The following TENM2 variants were observed in gnomAD, a reference collection of about 807,000 sequenced individuals.
TENM2 encodes teneurin transmembrane protein 2.
Under a neutral mutation model 245.2 loss-of-function variants are expected in TENM2, and 52 were observed. That is an observed-to-expected ratio of 0.21 (90% CI 0.17 to 0.27). The LOEUF (loss-of-function observed/expected upper bound fraction) is 0.27. Ranked by LOEUF, TENM2 falls within the 10% of genes least tolerant of loss-of-function variation. The pLI, the probability that TENM2 is intolerant of heterozygous loss-of-function variation, is 1.00. For synonymous variants in TENM2, 1,363 were observed against 1,438.9 expected, an observed-to-expected ratio of 0.95 and a Z score of 1.19; for missense variants, 3,046 against 3,666.8, an observed-to-expected ratio of 0.83 and a Z score of 4.37.
At chr5:168,257,603 G>A (rs766379405) in intron 27 of TENM2, among the ~76,000 whole-genome samples, 6 of 150,322 alleles carry the variant, frequency 4.0e-5, no homozygotes, top group African/African-American at 1.5e-4. Context: ...GGAATGTCAT[G>A]GGCAGCTCCT....
chr5:168,220,246 C>G (rs1180217522), intron 23 of TENM2, among the ~76,000 whole-genome samples: 1 of 152,126 alleles, frequency 6.6e-6, no homozygotes, highest in Non-Finnish European at 1.5e-5. Context: ...CTGACAGTTT[C>G]AACCAAAGAC....
At chr5:167,768,436 T>C (rs977439827) in intron 2 of TENM2, among the ~76,000 whole-genome samples, 1 of 152,238 alleles carries the variant, frequency 6.6e-6, no homozygotes, top group East Asian at 1.9e-4. Context: ...ACGTTTGTTA[T>C]GTGCAAACAC....
At chr5:168,178,137 C>T (rs192139330) in intron 13 of TENM2, among the ~76,000 whole-genome samples, 11 of 152,186 alleles carry the variant, frequency 7.2e-5, no homozygotes, top group Admixed American at 6.5e-4. Flanking sequence ...TCCCCTCAGG[C>T]GGAAAGTAAC....
chr5:168,107,850 C>T (rs1794377285), intron 9 of TENM2, among the ~76,000 whole-genome samples: 1 of 152,252 alleles, frequency 6.6e-6, no homozygotes, highest in Non-Finnish European at 1.5e-5. Context: ...CACCACCTCC[C>T]TGAAGCACCC....
chr5:167,115,945 G>C, the TENM2 span, among the ~76,000 whole-genome samples: 2 of 152,282 alleles, frequency 1.3e-5, no homozygotes, highest in African/African-American at 4.8e-5. Context: ...TCAGCTCGGA[G>C]ATTGGAATAA....
At chr5:168,159,914 ATC>A in intron 12 of TENM2, among the ~76,000 whole-genome samples, 1 of 152,232 alleles carries the variant, frequency 6.6e-6, no homozygotes, top group Admixed American at 6.5e-5. Context: ...TTGAGTGCGT[ATC>A]TCTGACTGAC....
the TENM2 span, among the ~76,000 whole-genome samples, chr5:167,207,048 A>G: frequency 6.6e-6 from 1 of 152,024 alleles, no homozygotes; most frequent in African/African-American, 2.4e-5. Context: ...TAAAAAAAAA[A>G]CCCAAGGAAA....
chr5:167,689,777 T>G (rs1346039884), intron 2 of TENM2, among the ~76,000 whole-genome samples: 2 of 152,160 alleles, frequency 1.3e-5, no homozygotes, highest in Non-Finnish European at 2.9e-5. Context: ...TTTTTCTTTT[T>G]TTGAGATGGA....
intron 13 of TENM2, among the ~76,000 whole-genome samples, chr5:168,170,959 TC>T (rs1416311689): frequency 6.6e-6 from 1 of 152,178 alleles, no homozygotes; most frequent in African/African-American, 2.4e-5. Context: ...TGACCTGTCC[TC>T]CCCCATCCTC....
chr5:167,774,214 G>GGAAGGA (rs1763598518), intron 2 of TENM2, among the ~76,000 whole-genome samples: 17 of 111,422 alleles, frequency 1.5e-4, no homozygotes, highest in African/African-American at 2.5e-4. Context: ...GGGAGGGAGG[G>GGAAGGA]AGGAAGGAAG....
chr5:167,570,505 C>G (rs78458955), intron 2 of TENM2, among the ~76,000 whole-genome samples: 6,442 of 152,130 alleles, frequency 0.042, 220 homozygotes, highest in Non-Finnish European at 0.061. Flanking sequence ...CAAACATTAG[C>G]TAGTTTATAG....
chr5:167,411,231 A>G (rs1762890495), intron 2 of TENM2, among the ~76,000 whole-genome samples: 3 of 152,136 alleles, frequency 2.0e-5, no homozygotes, highest in Non-Finnish European at 4.4e-5. Context: ...AAATTTTAAA[A>G]GTAAAGTATA....
intron 2 of TENM2, among the ~76,000 whole-genome samples, chr5:167,744,689 C>A (rs1436182607): frequency 6.6e-6 from 1 of 152,018 alleles, no homozygotes; most frequent in African/African-American, 2.4e-5. Context: ...TTCAAGACAC[C>A]CTCAGAGAAG....
Position 167,837,103 on chromosome 5 carries a change from T to G in TENM2, c.503-38883T>G, listed in dbSNP as rs75557791. Among the ~76,000 whole-genome samples the G allele has an allele frequency of 5.7e-3, 870 of 151,554 alleles. 9 individuals are homozygous for G. The highest frequency in any genetic ancestry group is 0.02 in the African/African-American group (815 of 41,102). On this transcript the variant is annotated intron_variant, in intron 2 of 28. Transcript: ENST00000518659. Reference sequence around the variant, plus strand: ...ACACACACACACACACACACAGAGATATATCTGGATAGTGTTTTATAATAT... The same window carrying G: ...ACACACACACACACACACACAGAGAGATATCTGGATAGTGTTTTATAATAT...
intron 7 of TENM2, among the ~76,000 whole-genome samples, chr5:168,081,384 A>C (rs1055476006): frequency 3.9e-5 from 6 of 152,184 alleles, no homozygotes. Flanking sequence ...GACTCTATCC[A>C]ATTAGCCAGT....
intron 2 of TENM2, among the ~76,000 whole-genome samples, chr5:167,709,711 C>T (rs1174469876): frequency 1.3e-5 from 2 of 152,188 alleles, no homozygotes; most frequent in African/African-American, 2.4e-5. Flanking sequence ...CACGAAAGAA[C>T]ATGGCTGTTG....
At chr5:168,115,331 A>AAGGGAAGGAAGGAAAGG (rs1794970784) in intron 9 of TENM2, among the ~76,000 whole-genome samples, 1 of 129,556 alleles carries the variant, frequency 7.7e-6, no homozygotes, top group African/African-American at 3.0e-5. Context: ...GAAGGGAAGG[A>AAGGGAAGGAAGGAAAGG]AGGGAAGGAA....
the TENM2 span, among the ~76,000 whole-genome samples, chr5:167,259,453 CAAAT>C: frequency 6.6e-6 from 1 of 152,158 alleles, no homozygotes; most frequent in African/African-American, 2.4e-5. Context: ...AATAATGAGT[CAAAT>C]AAATATGTCT....
intron 4 of TENM2, among the ~76,000 whole-genome samples, chr5:167,965,977 A>G (rs1291599685): frequency 6.6e-6 from 1 of 152,208 alleles, no homozygotes; most frequent in Non-Finnish European, 1.5e-5. Context: ...TAGGCCATGA[A>G]ATGAAGTCAA....
Sources: gnomAD v4.1 joint callset for allele counts (sites outside exome capture counted in the v4.1 genomes callset) on GRCh38, gnomAD v4.1.1 for gene constraint, MANE v1.5 for transcripts, NCBI Gene and HGNC (gene_info 2026-07-23, HGNC 2026-07-21) for gene names.